The following MINDY3 variants were observed in gnomAD, a reference collection of about 807,000 sequenced individuals.
MINDY3 encodes MINDY lysine 48 deubiquitinase 3.
Under a neutral mutation model 69.2 loss-of-function variants are expected in MINDY3, and 38 were observed. The observed-to-expected ratio is 0.55, with a 90% CI of 0.42 to 0.72. The LOEUF (loss-of-function observed/expected upper bound fraction) is 0.72. Among genes scored for constraint, MINDY3 ranks in the 30% least tolerant of loss-of-function variants. The pLI, the probability that MINDY3 is intolerant of heterozygous loss-of-function variation, is 0.00. For synonymous variants in MINDY3, 192 were observed against 180.1 expected, an observed-to-expected ratio of 1.07 and a Z score of -0.53; for missense variants, 522 against 519.0, an observed-to-expected ratio of 1.01 and a Z score of -0.06.
chr10:15,789,282 C>T lies in MINDY3; in HGVS notation c.993G>A (p.Val331=). Residue 331 remains valine, a synonymous_variant, in exon 12 of 15, where the codon GTG becomes GTA. Coordinates refer to ENST00000277632, the MANE Select transcript of MINDY3 (RefSeq NM_024948.4). Reference sequence around the variant, plus strand: ...CTGAAACAAGGTCCAATGCTTTCATCACATCTTCCAGAAGTGAATCGGGTA... The same window carrying T: ...CTGAAACAAGGTCCAATGCTTTCATTACATCTTCCAGAAGTGAATCGGGTA... The part of the protein sequence containing the change: ...GFIPDSLLED[V]MKALDLVSDP... 1.9e-6 allele frequency: 3 copies of T among 1,611,634 alleles called. No individual in the cohort carries two copies. Among genetic ancestry groups the T allele is most frequent in the African/African-American group, 1.3e-5 (1 of 74,876 alleles).
intron 3 of MINDY3, among the ~76,000 whole-genome samples, chr10:15,842,308 AG>A (rs1284673323): frequency 6.6e-6 from 1 of 151,958 alleles, no homozygotes; most frequent in African/African-American, 2.4e-5. Context: ...CTTTAACTGC[AG>A]GAACTATGCT....
rs116712359 is a variant in MINDY3 at position 15,855,486 on chromosome 10, C to T, written c.94+4720G>A. Among the ~76,000 whole-genome samples, 492 of 152,146 alleles carry T rather than the reference C, an allele frequency of 3.2e-3. 3 individuals carry two copies. The highest frequency in any genetic ancestry group is 0.011 in the African/African-American group (477 of 41,524). Reference sequence around the variant, plus strand: ...TTTTTCCTGATTACGTCTGAAATTACCCATCTTAAAACACCTAATCCTACG... The same window carrying T: ...TTTTTCCTGATTACGTCTGAAATTATCCATCTTAAAACACCTAATCCTACG... On this transcript the variant is annotated intron_variant, in intron 1 of 14. Coordinates refer to ENST00000277632, the MANE Select transcript of MINDY3 (RefSeq NM_024948.4).
Position 15,778,988 on chromosome 10 carries a change from C to G in MINDY3, c.*4G>C. The G allele has an allele frequency of 6.2e-7, 1 of 1,611,294 alleles. No individual in the cohort carries two copies. The highest frequency in any genetic ancestry group is 8.5e-7 in the Non-Finnish European group (1 of 1,178,474). ...AAGATCTTCCTTATAAATACTTAGA[C>G]AAATTAATTTAGTGAAGGAGAGCGA... On this transcript the variant is annotated 3_prime_UTR_variant, in exon 15 of 15. Coordinates refer to ENST00000277632, the MANE Select transcript of MINDY3 (RefSeq NM_024948.4).
chr10:15,813,059 T>G (rs1263772599), intron 10 of MINDY3, among the ~76,000 whole-genome samples: 2 of 152,122 alleles, frequency 1.3e-5, no homozygotes, highest in Non-Finnish European at 2.9e-5. Context: ...CTTCAATATA[T>G]CCATTCTCCA....
At chr10:15,779,661 G>A (rs952102929) in intron 14 of MINDY3, among the ~76,000 whole-genome samples, 1 of 152,088 alleles carries the variant, frequency 6.6e-6, no homozygotes, top group Non-Finnish European at 1.5e-5. Flanking sequence ...AACAAAACTT[G>A]CTATTATGGT....
intron 10 of MINDY3, among the ~76,000 whole-genome samples, chr10:15,803,811 A>G (rs1471176357): frequency 2.6e-5 from 4 of 152,184 alleles, no homozygotes; most frequent in African/African-American, 9.6e-5. Context: ...ACAAATGTAC[A>G]CTAATCCTAC....
intron 10 of MINDY3, among the ~76,000 whole-genome samples, chr10:15,813,291 C>T (rs751758661): frequency 4.6e-5 from 7 of 152,156 alleles, no homozygotes; most frequent in Non-Finnish European, 7.4e-5. Context: ...TTTGTTCTCA[C>T]CCAAGTTCAT....
chr10:15,806,009 A>G (rs1838613994), intron 10 of MINDY3, among the ~76,000 whole-genome samples: 1 of 152,148 alleles, frequency 6.6e-6, no homozygotes, highest in Non-Finnish European at 1.5e-5. Context: ...CACCACGTGC[A>G]GACAAATCTG....
At chr10:15,783,699 T>C (rs999898238) in intron 13 of MINDY3, among the ~76,000 whole-genome samples, 5 of 152,186 alleles carry the variant, frequency 3.3e-5, no homozygotes, top group Non-Finnish European at 7.4e-5. Context: ...CATTCCCAAC[T>C]AAAGCCTAAA....
intron 1 of MINDY3, among the ~76,000 whole-genome samples, chr10:15,850,461 C>T (rs1273177655): frequency 6.6e-6 from 1 of 152,110 alleles, no homozygotes; most frequent in Admixed American, 6.5e-5. Flanking sequence ...CAGCAAGGAA[C>T]AGCCCTGAGA....
At chr10:15,833,250 A>G (rs1832852149) in intron 8 of MINDY3, among the ~76,000 whole-genome samples, 1 of 152,158 alleles carries the variant, frequency 6.6e-6, no homozygotes, top group African/African-American at 2.4e-5. Context: ...TATAGGCAAA[A>G]ACCCAAAGTA....
chr10:15,810,355 T>G lies in MINDY3; in HGVS notation c.882+6480A>C, dbSNP rs140793818. Among the ~76,000 whole-genome samples the G allele has an allele frequency of 3.2e-3, 480 of 152,320 alleles. 3 individuals carry two copies. Among genetic ancestry groups the G allele is most frequent in the African/African-American group, 0.011 (458 of 41,570 alleles). On this transcript the variant is annotated intron_variant, in intron 10 of 14. Coordinates refer to ENST00000277632, the MANE Select transcript of MINDY3 (RefSeq NM_024948.4). The stretch of plus-strand genomic sequence containing the variant: ...AATTTTCTTAACCATCCTCAAATCA[T>G]GAAAGTAAATTTTGAACATGTTACA...
At chr10:15,824,480 G>C (rs935403230) in intron 8 of MINDY3, among the ~76,000 whole-genome samples, 1 of 152,050 alleles carries the variant, frequency 6.6e-6, no homozygotes, top group East Asian at 1.9e-4. Flanking sequence ...GGGATCATCC[G>C]TAAGAGTGTA....
chr10:15,816,282 G>GAAAA (rs1421619763), intron 10 of MINDY3, among the ~76,000 whole-genome samples: 4 of 108,510 alleles, frequency 3.7e-5, no homozygotes, highest in African/African-American at 1.2e-4. Flanking sequence ...AAAAAAAAAT[G>GAAAA]AAAAAGAAAA....
chr10:15,784,750 G>C (rs1238262409), intron 13 of MINDY3, among the ~76,000 whole-genome samples: 2 of 152,064 alleles, frequency 1.3e-5, no homozygotes, highest in Non-Finnish European at 2.9e-5. Context: ...TAAATAAATA[G>C]TTTACGGAAT....
In MINDY3 at chr10:15,836,778, G is replaced by A. The variant is rs566374998; in HGVS notation, c.576+426C>T. 2.0e-5 allele frequency among the ~76,000 whole-genome samples: 3 copies of A among 150,772 alleles called. No individual in the cohort carries two copies. The South Asian group carries it at 6.3e-4, about 32-fold the overall frequency. On this transcript the variant is annotated intron_variant, in intron 6 of 14. Transcript: ENST00000277632. Reference sequence around the variant, plus strand: ...AGAGCAGGAGGTAACAGATAAAGAAGGAAACAAAGCTATCAAAGAAAACAA... The same window carrying A: ...AGAGCAGGAGGTAACAGATAAAGAAAGAAACAAAGCTATCAAAGAAAACAA...
At chr10:15,817,600 C>G (rs1839462772) in intron 9 of MINDY3, 1 of 152,142 alleles carries the variant, frequency 6.6e-6, no homozygotes, top group Non-Finnish European at 1.5e-5. Flanking sequence ...AAGTTTAATA[C>G]TAAACAAACA....
rs749577806 is a variant in MINDY3 at position 15,841,542 on chromosome 10, C to T, written c.293G>A (p.Cys98Tyr). 5 of 1,611,360 alleles carry T rather than the reference C, an allele frequency of 3.1e-6. No individual in the cohort carries two copies. The highest frequency in any genetic ancestry group is 3.4e-6 in the Non-Finnish European group (4 of 1,178,342). The change falls in exon 4 of 15, where the codon TGT (cysteine) becomes TAT (tyrosine). Residue 98 changes from cysteine to tyrosine, a missense_variant. By Grantham distance (194) the Cys-to-Tyr change is radical. Transcript: ENST00000277632. The stretch of plus-strand genomic sequence containing the variant: ...GCAGTATGATCCAGAGTGGTCACAA[C>T]AAGCACTTTCTAAAATATCACACAA... ...HTLCDILESACCDHSGSYCLV... is the reference protein window; with the variant it reads ...HTLCDILESAYCDHSGSYCLV...
intron 4 of MINDY3, 100 bp from the exon 5 acceptor site, chr10:15,838,379 C>T: frequency 1.0e-6 from 1 of 1,003,828 alleles, no homozygotes; most frequent in Non-Finnish European, 1.4e-6. Flanking sequence ...AAAACTTTCC[C>T]TATTTCCTTA....
Sources: gnomAD v4.1 joint callset for allele counts (sites outside exome capture counted in the v4.1 genomes callset) on GRCh38, gnomAD v4.1.1 for gene constraint, MANE v1.5 for transcripts, NCBI Gene and HGNC (gene_info 2026-07-23, HGNC 2026-07-21) for gene names.